ANKRD31: variants seen among roughly 807,000 people sequenced by gnomAD.
ANKRD31 encodes ankyrin repeat domain 31.
A neutral mutation model predicts 186.0 loss-of-function variants in ANKRD31; 147 were observed. The ratio of observed to expected loss-of-function variants is 0.79; its 90% CI spans 0.69 to 0.91. The LOEUF (loss-of-function observed/expected upper bound fraction) is 0.91. ANKRD31 is among the 40% of genes least tolerant of loss of function. The pLI is 0.00. For synonymous variants in ANKRD31, 673 were observed against 736.4 expected (o/e 0.91, Z 1.39); for missense variants, 1,986 against 2,148.8 (o/e 0.92, Z 1.50).
At chr5:75,230,504 TAA>T in intron 2 of ANKRD31, 56 bp downstream of exon 2, 1 of 1,350,354 alleles carries the variant, frequency 7.4e-7, no homozygotes, top group Non-Finnish European at 1.0e-6. Context: ...TCAATGACAT[TAA>T]ATGGGGACTA....
At chr5:75,196,340 T>C in intron 6 of ANKRD31, 140 bp from the exon 7 acceptor site, 1 of 627,744 alleles carries the variant, frequency 1.6e-6, no homozygotes, top group East Asian at 3.1e-5. Context: ...CTTCCATAAA[T>C]AAAGGGAATA....
intron 14 of ANKRD31, 109 bp downstream of exon 14, chr5:75,145,878 C>T: frequency 1.0e-6 from 1 of 1,000,812 alleles, no homozygotes; most frequent in Non-Finnish European, 1.4e-6. Flanking sequence ...CCCACATGTC[C>T]TCATTCTTCT....
At chr5:75,080,103 A>G (rs1337387546) in intron 25 of ANKRD31, among the ~76,000 whole-genome samples, 1 of 152,184 alleles carries the variant, frequency 6.6e-6, no homozygotes, top group East Asian at 1.9e-4. Flanking sequence ...GTCTAAAAAA[A>G]AAAAAGAAAC....
chr5:75,214,995 C>A (rs1208812321), intron 3 of ANKRD31, among the ~76,000 whole-genome samples: 1 of 152,134 alleles, frequency 6.6e-6, no homozygotes, highest in African/African-American at 2.4e-5. Context: ...TGGAAACTGG[C>A]AAGTGCAAAT....
chr5:75,122,105 A>T (rs927253613), intron 17 of ANKRD31, among the ~76,000 whole-genome samples: 6 of 152,142 alleles, frequency 3.9e-5, no homozygotes, highest in Admixed American at 3.3e-4. Flanking sequence ...CTAAATAAAC[A>T]TAATGAGAAA....
Position 75,143,280 on chromosome 5 carries a change from C to A in ANKRD31, c.3595+721G>T, listed in dbSNP as rs767835191. ...AGGGTTCTTAACTTGATTACATATG[C>A]AAAGAAGGTAATAGGCATGCTTTTA... On this transcript the variant is annotated intron_variant, in intron 15 of 25. Transcript: ENST00000506364. Among the ~76,000 whole-genome samples the A allele has an allele frequency of 4.7e-4, 72 of 152,196 alleles. 1 individual carries two copies. Among genetic ancestry groups the A allele is most frequent in the Middle Eastern group, 3.4e-3 (1 of 294 alleles).
At chr5:75,169,740 C>T (rs980911992) in intron 10 of ANKRD31, among the ~76,000 whole-genome samples, 3 of 152,066 alleles carry the variant, frequency 2.0e-5, no homozygotes, top group Non-Finnish European at 2.9e-5. Flanking sequence ...TAAAGTTGCA[C>T]GTCAAAAGAG....
chr5:75,179,849 TC>T lies in ANKRD31; in HGVS notation c.1564+8643del, dbSNP rs1446010658. Among the ~76,000 whole-genome samples the T allele has an allele frequency of 2.0e-5, 3 of 152,028 alleles. No homozygotes were observed. In the East Asian group the frequency reaches 5.8e-4, roughly 29 times the overall value. On this transcript the variant is annotated intron_variant, in intron 10 of 25. Coordinates refer to ENST00000506364, the MANE Select transcript of ANKRD31 (RefSeq NM_001372053.1). ...AGACAGGGATGCCCTCTCTCACCAC[TC>T]CTATTCAACATACTTTTGGAAGTTC...
chr5:75,068,838 C>A (rs1743969394), intron 25 of ANKRD31, among the ~76,000 whole-genome samples, 174 bp from the exon 26 acceptor site: 1 of 152,116 alleles, frequency 6.6e-6, no homozygotes, highest in Non-Finnish European at 1.5e-5. Flanking sequence ...AAGCTATGAA[C>A]CAGCATTGGT....
rs1342533432 is a variant in ANKRD31, at chr5:75,195,668, G to A, written c.980C>T (p.Thr327Met). The A allele has an allele frequency of 1.4e-5, 22 of 1,535,856 alleles. No individual in the cohort carries two copies. The highest frequency in any genetic ancestry group is 3.6e-5 in the South Asian group (3 of 83,690). The part of the protein sequence containing the change: ...RNECLEVEFN[T>M]SQTNEDCTQI... ...TGTACAATCTTCATTGGTCTGAGACGTATTGAACTCCACTTCTAAACATTC... is the reference window on the plus strand; with the variant it reads ...TGTACAATCTTCATTGGTCTGAGACATATTGAACTCCACTTCTAAACATTC... The change falls in exon 7 of 26, where the codon ACG becomes ATG. Residue 327 changes from threonine (T) to methionine (M), a missense_variant. By Grantham distance (81) the Thr-to-Met change is moderately conservative. Transcript: ENST00000506364.
intron 2 of ANKRD31, among the ~76,000 whole-genome samples, chr5:75,224,029 A>T (rs1757459931): frequency 6.6e-6 from 1 of 151,434 alleles, no homozygotes; most frequent in Non-Finnish European, 1.5e-5. Context: ...ATATCTATAG[A>T]TCAAACCATC....
intron 3 of ANKRD31, among the ~76,000 whole-genome samples, chr5:75,211,580 C>A (rs1756653415): frequency 6.6e-6 from 1 of 152,210 alleles, no homozygotes; most frequent in Admixed American, 6.5e-5. Context: ...CCATTTTCCA[C>A]AGCAGTTGCA....
chr5:75,155,445 T>A (rs976179875), intron 11 of ANKRD31, among the ~76,000 whole-genome samples: 12 of 152,216 alleles, frequency 7.9e-5, no homozygotes, highest in African/African-American at 2.9e-4. Flanking sequence ...AGCAATAGTT[T>A]ACTATGTGAA....
intron 5 of ANKRD31, among the ~76,000 whole-genome samples, chr5:75,205,778 C>T (rs954027617): frequency 6.6e-5 from 10 of 152,052 alleles, no homozygotes; most frequent in African/African-American, 2.4e-4. Context: ...ATATTTACTA[C>T]ATTGTGACAC....
chr5:75,130,488 T>C (rs1295498709), intron 17 of ANKRD31, among the ~76,000 whole-genome samples: 1 of 152,206 alleles, frequency 6.6e-6, no homozygotes, highest in Non-Finnish European at 1.5e-5. Context: ...GAGAGCTGAT[T>C]GGTCCATTTT....
At chr5:75,123,302 A>C (rs1490859829) in intron 17 of ANKRD31, among the ~76,000 whole-genome samples, 2 of 152,124 alleles carry the variant, frequency 1.3e-5, no homozygotes, top group Non-Finnish European at 2.9e-5. Context: ...GACATAAACT[A>C]ATGGAAAAAC....
chr5:75,173,890 T>C (rs1358125709), intron 10 of ANKRD31, among the ~76,000 whole-genome samples: 5 of 152,036 alleles, frequency 3.3e-5, no homozygotes, highest in Non-Finnish European at 7.4e-5. Flanking sequence ...TTAAAGTTCA[T>C]ATGGAACCAA....
At chr5:75,113,749 T>A (rs146032557) in intron 19 of ANKRD31, among the ~76,000 whole-genome samples, 2 of 152,322 alleles carry the variant, frequency 1.3e-5, no homozygotes, top group East Asian at 3.9e-4. Flanking sequence ...CTTACTGCTG[T>A]CATTTATTAA....
At chr5:75,201,949 T>G (rs1755850268) in intron 5 of ANKRD31, among the ~76,000 whole-genome samples, 1 of 152,212 alleles carries the variant, frequency 6.6e-6, no homozygotes, top group Non-Finnish European at 1.5e-5. Context: ...CTTTAGATAA[T>G]AACTCTTTCA....
Sources: allele counts gnomAD v4.1 joint callset (sites outside exome capture counted in the v4.1 genomes callset), GRCh38; gene constraint gnomAD v4.1.1; transcripts MANE v1.5; gene names NCBI Gene and HGNC (gene_info 2026-07-23, HGNC 2026-07-21).